The following IPCEF1 variants were observed in gnomAD, a reference collection of about 807,000 sequenced individuals.
IPCEF1 encodes interactor protein for cytohesin exchange factors 1.
IPCEF1 carries 31 observed loss-of-function variants against 50.9 expected under a neutral mutation model. The ratio of observed to expected loss-of-function variants is 0.61; its 90% CI spans 0.46 to 0.82. IPCEF1 has a LOEUF of 0.82. Among genes scored for constraint, IPCEF1 ranks in the 40% least tolerant of loss-of-function variants. The probability of loss-of-function intolerance (pLI) is 0.00; values close to 1 mark genes in which losing one functional copy is unlikely to be tolerated. For missense variants in IPCEF1, 458 were observed against 514.0 expected, an observed-to-expected ratio of 0.89 and a Z score of 1.05; for synonymous variants, 181 against 192.0, an observed-to-expected ratio of 0.94 and a Z score of 0.47.
At chr6:154,170,190 G>A (rs903540958) in intron 10 of IPCEF1, among the ~76,000 whole-genome samples, 3 of 152,032 alleles carry the variant, frequency 2.0e-5, no homozygotes, top group Admixed American at 1.3e-4. Flanking sequence ...TTTATTCCTT[G>A]GAAGAAAGCT....
At chr6:154,264,072 C>T (rs9371786) in intron 3 of IPCEF1, among the ~76,000 whole-genome samples, 30,584 of 146,812 alleles carry the variant, frequency 0.21, 4,105 homozygotes, top group Admixed American at 0.42. Context: ...AGCCTCCTAC[C>T]GCAGCCACAT....
In IPCEF1 at chr6:154,154,566, A is replaced by G. The variant is rs1464561717; in HGVS notation, c.*5262T>C. 1 of 152,232 alleles carries G rather than the reference A, an allele frequency of 6.6e-6. No individual in the cohort carries two copies. The highest frequency in any genetic ancestry group is 1.9e-4 in the East Asian group (1 of 5,202). 9.4% of individuals were successfully genotyped at this position (152,232 alleles called of 1,614,324 possible). On this transcript the variant is annotated 3_prime_UTR_variant, in exon 12 of 12. Transcript: ENST00000367220. ...AGAAGCGATTTTGATGACTGCCACC[A>G]GAGGGCACTGTAACCTTGTTGTAGA...
intron 9 of IPCEF1, 61 bp downstream of exon 9, chr6:154,212,709 G>T: frequency 8.9e-7 from 1 of 1,121,726 alleles, no homozygotes; most frequent in Non-Finnish European, 1.3e-6. Flanking sequence ...CTATTCAATT[G>T]GAAGAAATGA....
intron 3 of IPCEF1, among the ~76,000 whole-genome samples, chr6:154,250,851 C>T (rs1180576796): frequency 6.6e-6 from 1 of 152,246 alleles, no homozygotes; most frequent in African/African-American, 2.4e-5. Context: ...GGAGCCCTAA[C>T]TGGTGGCTTT....
intron 10 of IPCEF1, among the ~76,000 whole-genome samples, chr6:154,185,256 A>G (rs1393451320): frequency 6.6e-6 from 1 of 152,224 alleles, no homozygotes; most frequent in East Asian, 1.9e-4. Flanking sequence ...CTGTATTTCC[A>G]GGGAGCAGCT....
At chr6:154,219,196 G>C (rs1488792930) in intron 7 of IPCEF1, 1 of 151,880 alleles carries the variant, frequency 6.6e-6, no homozygotes, top group Non-Finnish European at 1.5e-5. Flanking sequence ...ACATGGAAGG[G>C]TCTCACACTT....
intron 5 of IPCEF1, among the ~76,000 whole-genome samples, chr6:154,236,932 G>A (rs1011768087): frequency 3.9e-5 from 6 of 152,082 alleles, no homozygotes; most frequent in South Asian, 2.1e-4. Context: ...TAAAGACATC[G>A]TTTCAAACAT....
At chr6:154,334,565 A>G (rs1783749489) in intron 1 of IPCEF1, among the ~76,000 whole-genome samples, 1 of 152,246 alleles carries the variant, frequency 6.6e-6, no homozygotes, top group Non-Finnish European at 1.5e-5. Context: ...AAGGAGCAGA[A>G]GATCAATAGA....
At chr6:154,231,448 A>C (rs1779710661) in intron 5 of IPCEF1, among the ~76,000 whole-genome samples, 1 of 152,240 alleles carries the variant, frequency 6.6e-6, no homozygotes, top group Non-Finnish European at 1.5e-5. Flanking sequence ...TGTACATTGC[A>C]GCATTGTTTG....
intron 1 of IPCEF1, among the ~76,000 whole-genome samples, chr6:154,334,097 A>C (rs1207745365): frequency 6.6e-6 from 1 of 152,236 alleles, no homozygotes; most frequent in African/African-American, 2.4e-5. Context: ...GGCATTTATC[A>C]GCCCACAGTT....
At chr6:154,233,893 C>T (rs970962471) in intron 5 of IPCEF1, among the ~76,000 whole-genome samples, 2 of 152,266 alleles carry the variant, frequency 1.3e-5, no homozygotes, top group African/African-American at 2.4e-5. Context: ...CAACCAGCAA[C>T]GAATGGGTCT....
chr6:154,283,471 C>A (rs1480950099), intron 2 of IPCEF1, among the ~76,000 whole-genome samples: 1 of 148,250 alleles, frequency 6.7e-6, no homozygotes, highest in Middle Eastern at 3.4e-3. Context: ...GGTGGTGGGC[C>A]CCTGTAGTCC....
chr6:154,195,381 T>TCA (rs1776527809), intron 10 of IPCEF1, among the ~76,000 whole-genome samples: 1 of 152,012 alleles, frequency 6.6e-6, no homozygotes, highest in African/African-American at 2.4e-5. Flanking sequence ...TCTCCTGACC[T>TCA]TGTGATCCGC....
intron 3 of IPCEF1, among the ~76,000 whole-genome samples, chr6:154,253,893 A>T (rs963926241): frequency 2.2e-4 from 33 of 152,062 alleles, no homozygotes; most frequent in Non-Finnish European, 4.1e-4. Flanking sequence ...TAAATTTTTA[A>T]AAAAATTACT....
At chr6:154,185,603 T>C (rs1357144327) in intron 10 of IPCEF1, among the ~76,000 whole-genome samples, 2 of 152,220 alleles carry the variant, frequency 1.3e-5, no homozygotes, top group Non-Finnish European at 2.9e-5. Context: ...CATATGCTTA[T>C]TATAAATATT....
At chr6:154,288,643 C>T (rs1461564935) in intron 2 of IPCEF1, among the ~76,000 whole-genome samples, 1 of 125,230 alleles carries the variant, frequency 8.0e-6, no homozygotes, top group African/African-American at 3.0e-5. Context: ...AGCCTGGAGA[C>T]AGAGCAAGAC....
chr6:154,218,015 G>A (rs1048045427), intron 7 of IPCEF1, among the ~76,000 whole-genome samples: 5 of 152,166 alleles, frequency 3.3e-5, no homozygotes, highest in Admixed American at 6.5e-5. Flanking sequence ...AAAAACTGGT[G>A]ATGTTTAGAA....
intron 2 of IPCEF1, among the ~76,000 whole-genome samples, chr6:154,283,901 T>G (rs930716821): frequency 2.0e-5 from 3 of 152,126 alleles, no homozygotes; most frequent in Non-Finnish European, 4.4e-5. Flanking sequence ...CGTGAAAACA[T>G]TGCTTGGTAA....
intron 1 of IPCEF1, among the ~76,000 whole-genome samples, chr6:154,314,884 C>CTTTTT (rs11367569): frequency 7.2e-6 from 1 of 138,060 alleles, no homozygotes; most frequent in African/African-American, 2.6e-5. Flanking sequence ...AGTGTGATTA[C>CTTTTT]TTTTTTTTTT....
Sources: allele counts gnomAD v4.1 joint callset (sites outside exome capture counted in the v4.1 genomes callset), GRCh38; gene constraint gnomAD v4.1.1; transcripts MANE v1.5; gene names NCBI Gene and HGNC (gene_info 2026-07-23, HGNC 2026-07-21).